The following FOXP2 variants were observed in gnomAD, a reference collection of about 807,000 sequenced individuals.
FOXP2 encodes forkhead box P2, also known as forkhead box protein P2.
FOXP2 carries 12 observed loss-of-function variants against 115.8 expected under a neutral mutation model. The ratio of observed to expected loss-of-function variants is 0.10; its 90% CI spans 0.07 to 0.17. The LOEUF is 0.17. Among genes scored for constraint, FOXP2 ranks in the 10% least tolerant of loss-of-function variants. The probability of loss-of-function intolerance (pLI) is 1.00; values close to 1 mark genes in which losing one functional copy is unlikely to be tolerated. For missense variants in FOXP2, 629 were observed against 843.5 expected, an observed-to-expected ratio of 0.75 and a Z score of 3.15; for synonymous variants, 328 against 297.7, an observed-to-expected ratio of 1.10 and a Z score of -1.05.
chr7:114,227,411 T>G (rs992449666), intron 1 of FOXP2, among the ~76,000 whole-genome samples: 4 of 152,082 alleles, frequency 2.6e-5, no homozygotes, highest in African/African-American at 9.6e-5. Flanking sequence ...GATTTGTCTC[T>G]CTTCTAGTCC....
At chr7:114,104,581 CTAT>C (rs1458588066) in intron 1 of FOXP2, among the ~76,000 whole-genome samples, 2 of 151,902 alleles carry the variant, frequency 1.3e-5, no homozygotes, top group Non-Finnish European at 2.9e-5. Context: ...TTAAAGAGCT[CTAT>C]TGTTATTTCT....
chr7:114,122,837 A>G (rs867978066), intron 1 of FOXP2, among the ~76,000 whole-genome samples: 3 of 152,004 alleles, frequency 2.0e-5, no homozygotes, highest in Non-Finnish European at 2.9e-5. Flanking sequence ...GGGATTTATT[A>G]CTTATGAATT....
chr7:114,361,827 TC>T (rs1362169926), intron 2 of FOXP2, among the ~76,000 whole-genome samples: 1 of 152,040 alleles, frequency 6.6e-6, no homozygotes, highest in African/African-American at 2.4e-5. Flanking sequence ...ATGCATTTTT[TC>T]CCCTAGACTT....
intron 1 of FOXP2, among the ~76,000 whole-genome samples, chr7:114,257,077 G>C (rs1416073641): frequency 6.6e-6 from 1 of 152,156 alleles, no homozygotes; most frequent in East Asian, 1.9e-4. Flanking sequence ...AAACAGCATG[G>C]TACTGGTACC....
At chr7:114,558,494 T>G (rs1800579285) in intron 3 of FOXP2, among the ~76,000 whole-genome samples, 2 of 152,146 alleles carry the variant, frequency 1.3e-5, no homozygotes, top group African/African-American at 4.8e-5. Context: ...GGTTTTTGCT[T>G]CTCTTTCTGT....
At chr7:114,435,790 T>C (rs1794316660) in intron 2 of FOXP2, among the ~76,000 whole-genome samples, 1 of 152,148 alleles carries the variant, frequency 6.6e-6, no homozygotes, top group African/African-American at 2.4e-5. Context: ...TCGCCCACCT[T>C]GGCCTCCCAA....
chr7:114,492,476 C>T (rs574926950), intron 2 of FOXP2, among the ~76,000 whole-genome samples: 16 of 152,168 alleles, frequency 1.1e-4, no homozygotes, highest in African/African-American at 3.9e-4. Flanking sequence ...TTTGCTCTTG[C>T]TTCTCTAGTT....
chr7:114,151,383 G>C (rs567710183), intron 1 of FOXP2, among the ~76,000 whole-genome samples: 8 of 151,904 alleles, frequency 5.3e-5, no homozygotes, highest in African/African-American at 1.5e-4. Flanking sequence ...TATGATTTTC[G>C]TAAAAATAAA....
intron 1 of FOXP2, among the ~76,000 whole-genome samples, chr7:114,226,917 A>G (rs1169282597): frequency 6.6e-6 from 1 of 152,166 alleles, no homozygotes; most frequent in East Asian, 1.9e-4. Context: ...CTGCAGTAAT[A>G]CAGACTTCAT....
At chr7:114,545,613 T>C (rs988335666) in intron 3 of FOXP2, among the ~76,000 whole-genome samples, 6 of 152,192 alleles carry the variant, frequency 3.9e-5, no homozygotes, top group African/African-American at 1.4e-4. Flanking sequence ...TATCAATCAA[T>C]AGATTGATAG....
chr7:114,222,095 T>C (rs1265922513), intron 1 of FOXP2, among the ~76,000 whole-genome samples: 2 of 152,306 alleles, frequency 1.3e-5, no homozygotes, highest in Non-Finnish European at 2.9e-5. Context: ...AGAGAAATGA[T>C]CTTCAAGCAC....
intron 1 of FOXP2, among the ~76,000 whole-genome samples, chr7:114,144,152 T>G (rs1003323338): frequency 2.0e-5 from 3 of 152,162 alleles, no homozygotes; most frequent in Admixed American, 2.0e-4. Flanking sequence ...AAGCTATGAT[T>G]TTCGGTAGAT....
At chr7:114,617,257 C>G (rs906333982) in intron 3 of FOXP2, among the ~76,000 whole-genome samples, 5 of 152,120 alleles carry the variant, frequency 3.3e-5, no homozygotes, top group African/African-American at 1.2e-4. Flanking sequence ...TTTTCAGATG[C>G]CTTTGAATCT....
intron 1 of FOXP2, among the ~76,000 whole-genome samples, chr7:114,104,490 GT>G (rs1440135980): frequency 6.6e-6 from 1 of 151,958 alleles, no homozygotes; most frequent in East Asian, 1.9e-4. Flanking sequence ...GTAAAATACT[GT>G]TGATAGCATA....
chr7:114,160,019 T>A (rs976163458), upstream of FOXP2, among the ~76,000 whole-genome samples: 1 of 152,178 alleles, frequency 6.6e-6, no homozygotes, highest in African/African-American at 2.4e-5. Context: ...CCCTGGTCTC[T>A]GAGCATGCAT....
chr7:114,295,265 A>G lies in FOXP2; in HGVS notation c.-11+7156A>G, dbSNP rs369022974. Among the ~76,000 whole-genome samples, 6 of 152,322 alleles carry G rather than the reference A, an allele frequency of 3.9e-5. No individual in the cohort carries two copies. In the East Asian group the frequency reaches 9.6e-4, roughly 24 times the overall value. On this transcript the variant is annotated intron_variant, in intron 2 of 17. Coordinates refer to the FOXP2 transcript ENST00000634411. ...TTACAGCCCATATCAAGTATGAACCAGCATCACTTATTACAAAGTTTGTGC... is the reference window on the plus strand; with the variant it reads ...TTACAGCCCATATCAAGTATGAACCGGCATCACTTATTACAAAGTTTGTGC...
intron 16 of FOXP2, among the ~76,000 whole-genome samples, chr7:114,670,891 T>C (rs1345503329): frequency 6.6e-6 from 1 of 152,150 alleles, no homozygotes; most frequent in African/African-American, 2.4e-5. Context: ...TCTCATTGTT[T>C]TCATTCCTGT....
chr7:114,365,791 C>T (rs1315909841), intron 2 of FOXP2, among the ~76,000 whole-genome samples: 2 of 152,044 alleles, frequency 1.3e-5, no homozygotes, highest in Non-Finnish European at 2.9e-5. Context: ...ATAGAAAGTG[C>T]TTAGTACTTC....
At chr7:114,175,633 C>T (rs778580122) in intron 1 of FOXP2, among the ~76,000 whole-genome samples, 1 of 151,908 alleles carries the variant, frequency 6.6e-6, no homozygotes, top group Non-Finnish European at 1.5e-5. Context: ...TAGGTTTGTC[C>T]AAAATGCATT....
Sources: gnomAD v4.1 joint callset for allele counts (sites outside exome capture counted in the v4.1 genomes callset) on GRCh38, gnomAD v4.1.1 for gene constraint, MANE v1.5 for transcripts, NCBI Gene and HGNC (gene_info 2026-07-23, HGNC 2026-07-21) for gene names.